Variants in WNT9B observed in about 807,000 individuals in gnomAD.
WNT9B encodes the protein Wnt family member 9B.
Under a neutral mutation model 30.2 loss-of-function variants are expected in WNT9B, and 12 were observed. That is an observed-to-expected ratio of 0.40 (90% CI 0.26 to 0.64). The LOEUF is 0.64. WNT9B is among the 30% of genes least tolerant of loss of function. WNT9B has a pLI of 0.42. For synonymous variants in WNT9B, 218 were observed against 216.9 expected, an observed-to-expected ratio of 1.01 and a Z score of -0.05; for missense variants, 442 against 485.2, an observed-to-expected ratio of 0.91 and a Z score of 0.84.
chr17:46,871,210 C>T (rs1171088735), intron 1 of WNT9B, among the ~76,000 whole-genome samples: 1 of 152,158 alleles, frequency 6.6e-6, no homozygotes, highest in African/African-American at 2.4e-5. Context: ...CCCAGCCCAC[C>T]TTTGATCTTT....
chr17:46,878,386 G>A lies in WNT9B; in HGVS notation c.*1668G>A, dbSNP rs2085378033. Among the ~76,000 whole-genome samples, 1 of 152,234 alleles carries A rather than the reference G, an allele frequency of 6.6e-6. No homozygotes were observed. Among genetic ancestry groups the A allele is most frequent in the South Asian group, 2.1e-4 (1 of 4,832 alleles). Reference sequence around the variant, plus strand: ...TGGCCAACTCCCTGAGACCTCCAAGGGCGAGGAGGAGCTGCCCAGTCTCCA... The same window carrying A: ...TGGCCAACTCCCTGAGACCTCCAAGAGCGAGGAGGAGCTGCCCAGTCTCCA... On this transcript the variant is annotated 3_prime_UTR_variant, in exon 4 of 4. Coordinates refer to ENST00000290015, the MANE Select transcript of WNT9B (RefSeq NM_003396.3).
chr17:46,884,952 A>C, downstream of WNT9B: 1 of 393,194 alleles, frequency 2.5e-6, no homozygotes, highest in Non-Finnish European at 5.0e-6. Context: ...CCACTCCTGC[A>C]ACCCATCAAA....
Position 46,880,325 on chromosome 17 carries a change from CA to C in WNT9B, c.*3610del, listed in dbSNP as rs2085406543. Among the ~76,000 whole-genome samples, 1 of 152,218 alleles carries C rather than the reference CA, an allele frequency of 6.6e-6. No homozygotes were observed. The highest frequency in any genetic ancestry group is 1.5e-5 in the Non-Finnish European group (1 of 68,044). ...TTCCTTTCTCAACAACCATGAACTT[CA>C]AATGCTTTCTGTCTCAGGACACTTT... is the stretch of plus-strand genomic sequence containing the variant. On this transcript the variant is annotated 3_prime_UTR_variant, in exon 4 of 4. Transcript: ENST00000290015.
At chr17:46,843,724 C>G (rs913054314) in intron 1 of WNT9B, among the ~76,000 whole-genome samples, 46 of 152,202 alleles carry the variant, frequency 3.0e-4, no homozygotes, top group African/African-American at 1.1e-3. Flanking sequence ...AATGGGTTAA[C>G]AGTTTTATAG....
chr17:46,847,492 A>G (rs958714589), upstream of WNT9B, among the ~76,000 whole-genome samples: 5 of 152,296 alleles, frequency 3.3e-5, no homozygotes, highest in East Asian at 9.6e-4. Flanking sequence ...GACTGATGGG[A>G]GTGGTCAGGA....
chr17:46,859,554 AT>A (rs1449676608), intron 1 of WNT9B, among the ~76,000 whole-genome samples: 1 of 152,200 alleles, frequency 6.6e-6, no homozygotes, highest in Admixed American at 6.5e-5. Flanking sequence ...TTTAAAAAAA[AT>A]TTTTCCCCAA....
chr17:46,844,809 CCCTTCCTT>C (rs61466292), intron 1 of WNT9B, among the ~76,000 whole-genome samples: 3 of 150,732 alleles, frequency 2.0e-5, no homozygotes, highest in South Asian at 2.1e-4. Context: ...CTCCCTCCTT[CCCTTCCTT>C]CCTTCCTTCC....
chr17:46,843,253 C>T (rs2084736739), intron 1 of WNT9B, among the ~76,000 whole-genome samples: 1 of 152,184 alleles, frequency 6.6e-6, no homozygotes, highest in African/African-American at 2.4e-5. Context: ...ATTCTTAAGT[C>T]CCCAACACTT....
At chr17:46,883,440 C>T (rs1039529584), downstream of WNT9B, among the ~76,000 whole-genome samples, 7 of 151,824 alleles carry the variant, frequency 4.6e-5, no homozygotes, top group South Asian at 2.1e-4. Context: ...GCCTACCCCA[C>T]GCCCGGCCTT....
intron 1 of WNT9B, among the ~76,000 whole-genome samples, chr17:46,859,907 T>TA (rs1159312655): frequency 6.6e-6 from 1 of 152,174 alleles, no homozygotes; most frequent in African/African-American, 2.4e-5. Context: ...ATTGAAAATT[T>TA]AAAAAAAGAA....
intron 1 of WNT9B, among the ~76,000 whole-genome samples, chr17:46,841,398 A>C (rs2084711498): frequency 6.6e-6 from 1 of 152,218 alleles, no homozygotes; most frequent in African/African-American, 2.4e-5. Flanking sequence ...AAAGTCATGC[A>C]TCGATATTCA....
Position 46,876,806 on chromosome 17 carries a change from C to T in WNT9B, c.*88C>T, listed in dbSNP as rs1337430968. 6.9e-7 allele frequency: 1 copy of T among 1,450,956 alleles called. No homozygotes were observed. The highest frequency in any genetic ancestry group is 9.1e-7 in the Non-Finnish European group (1 of 1,097,988). 89.9% of individuals were successfully genotyped at this position (1,450,956 alleles called of 1,614,324 possible). On this transcript the variant is annotated 3_prime_UTR_variant, in exon 4 of 4. Coordinates refer to ENST00000290015, the MANE Select transcript of WNT9B (RefSeq NM_003396.3). ...CCAGCCGGCCCTCTGGGCAGACTGT[C>T]ATCACATGCATGCATAAACCGGCAT... is the stretch of plus-strand genomic sequence containing the variant.
intron 1 of WNT9B, among the ~76,000 whole-genome samples, chr17:46,834,023 C>T (rs932741511): frequency 2.6e-5 from 4 of 151,954 alleles, no homozygotes; most frequent in African/African-American, 9.7e-5. Context: ...TAGTGAGACC[C>T]TGTCTCTGCA....
chr17:46,846,013 ACTC>A (rs2084772384), intron 1 of WNT9B, among the ~76,000 whole-genome samples: 1 of 151,050 alleles, frequency 6.6e-6, no homozygotes, highest in South Asian at 2.1e-4. Flanking sequence ...GTGGTCTTGA[ACTC>A]CTGATCTCAG....
Position 46,839,989 on chromosome 17 carries a change from CTTTTTTCTTTCTTCT to C in WNT9B, c.95+6552_95+6566del, listed in dbSNP as rs1296554908. Among the ~76,000 whole-genome samples, 390 of 116,076 alleles carry C rather than the reference CTTTTTTCTTTCTTCT, an allele frequency of 3.4e-3. 1 individual carries two copies. The highest frequency in any genetic ancestry group is 5.5e-3 in the Non-Finnish European group (313 of 56,686). 76.2% of individuals were successfully genotyped at this position (116,076 alleles called of 152,430 possible). A position where few individuals can be genotyped will look rare whatever the true frequency, so the allele number is the denominator to read the frequency against. On this transcript the variant is annotated intron_variant, in intron 1 of 2. Coordinates refer to the WNT9B transcript ENST00000575372. ...CTTTCTTTCTTTCTCTTCTTTCTTT[CTTTTTTCTTTCTTCT>C]TTCTTTCTTTCTTTCTTTCTTTCTT...
rs147644209 is a variant in WNT9B at position 46,866,971 on chromosome 17, C to G, written c.78-5546C>G. Among the ~76,000 whole-genome samples the G allele has an allele frequency of 2.6e-3, 400 of 152,314 alleles. 2 individuals carry two copies. Among genetic ancestry groups the G allele is most frequent in the African/African-American group, 9.3e-3 (387 of 41,572 alleles). On this transcript the variant is annotated intron_variant, in intron 1 of 3. Coordinates refer to ENST00000290015, the MANE Select transcript of WNT9B (RefSeq NM_003396.3). ...GCTCCCTGAGAGCTTCCTCTTGCCT[C>G]CTCCTCACCCCCAGGCCTCCTACAG... is the stretch of plus-strand genomic sequence containing the variant.
At chr17:46,881,780 CTT>C (rs2146623252), downstream of WNT9B, among the ~76,000 whole-genome samples, 1 of 152,350 alleles carries the variant, frequency 6.6e-6, no homozygotes, top group Non-Finnish European at 1.5e-5. Flanking sequence ...TGCTTTCTGT[CTT>C]TGCATTTGCA....
Position 46,851,737 on chromosome 17 carries a change from C to A in WNT9B, c.77+22C>A. 8.0e-7 allele frequency: 1 copy of A among 1,242,596 alleles called. No homozygotes were observed. The highest frequency in any genetic ancestry group is 1.0e-6 in the Non-Finnish European group (1 of 986,278). The allele number at this position is 1,242,596 out of a possible 1,614,324, so 77.0% of individuals were successfully genotyped here. A position where few individuals can be genotyped will look rare whatever the true frequency, so the allele number is the denominator to read the frequency against. On this transcript the variant is annotated intron_variant, in intron 1 of 3. Transcript: ENST00000290015. This position sits in a 1 kb window ranked among gnomAD's most constrained non-coding sequence, Gnocchi z 4.3. ...TCGGGTCAGTGCCCGCCGCGCCCCC[C>A]GCCCGCTCCCCGGCCTGCCTGTCTC...
At chr17:46,866,219 G>A (rs560272870) in intron 1 of WNT9B, among the ~76,000 whole-genome samples, 2 of 152,202 alleles carry the variant, frequency 1.3e-5, no homozygotes, top group South Asian at 2.1e-4. Context: ...GTGTTGAGCA[G>A]CCACCCTCAA....
Sources: allele counts gnomAD v4.1 joint callset (sites outside exome capture counted in the v4.1 genomes callset), GRCh38; gene constraint gnomAD v4.1.1; non-coding constraint Gnocchi (gnomAD v3.1); transcripts MANE v1.5; gene names NCBI Gene and HGNC (gene_info 2026-07-23, HGNC 2026-07-21).